Variants in KCNMB4 observed in about 807,000 individuals in gnomAD.
KCNMB4 encodes the protein calcium-activated potassium channel subunit beta-4.
A neutral mutation model predicts 20.7 loss-of-function variants in KCNMB4; 3 were observed. The ratio of observed to expected loss-of-function variants is 0.14; its 90% confidence interval spans 0.07 to 0.37. The LOEUF (loss-of-function observed/expected upper bound fraction) is 0.37, where lower values mean the gene tolerates loss of function less well. KCNMB4 is among the 10% of genes least tolerant of loss of function. The probability of loss-of-function intolerance (pLI) is 1.00; values close to 1 mark genes in which losing one functional copy is unlikely to be tolerated. For synonymous variants in KCNMB4, 110 were observed against 113.4 expected (o/e 0.97, Z 0.19); for missense variants, 168 against 265.9 (o/e 0.63, Z 2.56).
chr12:70,394,277 G>A (rs1345898838), intron 1 of KCNMB4, among the ~76,000 whole-genome samples: 8 of 152,094 alleles, frequency 5.3e-5, no homozygotes, highest in African/African-American at 1.7e-4. Context: ...TTTGAGGAGG[G>A]TGGATCTTTT....
At position 70,432,565 on chromosome 12, in the gene KCNMB4, C is replaced by T. The variant is rs901880426; in HGVS notation, c.*1912C>T. The T allele has an allele frequency of 6.6e-6, 1 of 152,150 alleles. No homozygotes were observed. Among genetic ancestry groups the T allele is most frequent in the African/African-American group, 2.4e-5 (1 of 41,440 alleles). 9.4% of individuals were successfully genotyped at this position (152,150 alleles called of 1,614,324 possible). Reference sequence around the variant, plus strand: ...ATCTGGGGTTACTGGTGTGCACCACCGTGCTTGGCTCCAATAATTTTTTTT... The same window carrying T: ...ATCTGGGGTTACTGGTGTGCACCACTGTGCTTGGCTCCAATAATTTTTTTT... On this transcript the variant is annotated 3_prime_UTR_variant, in exon 3 of 3. Transcript: ENST00000258111.
rs1195356126 is a variant in KCNMB4 at position 70,376,918 on chromosome 12, AT to A, written c.336+9849del. Among the ~76,000 whole-genome samples, 3 of 152,102 alleles carry A rather than the reference AT, an allele frequency of 2.0e-5. No individual in the cohort carries two copies. The East Asian group carries it at 5.8e-4, about 29-fold the overall frequency. ...AATGTAATTTTATAATAACATAAAA[AT>A]AAAATGTCTTGGAATAAATTTTATA... On this transcript the variant is annotated intron_variant, in intron 1 of 2. Coordinates refer to ENST00000258111, the MANE Select transcript of KCNMB4 (RefSeq NM_014505.6).
chr12:70,425,754 A>G (rs1399506559), intron 2 of KCNMB4, among the ~76,000 whole-genome samples: 2 of 152,192 alleles, frequency 1.3e-5, no homozygotes, highest in African/African-American at 2.4e-5. Context: ...ACCCAGAAAC[A>G]TAGGACACTT....
chr12:70,420,688 C>T (rs1016431623), intron 2 of KCNMB4, among the ~76,000 whole-genome samples: 3 of 152,150 alleles, frequency 2.0e-5, no homozygotes, highest in African/African-American at 7.2e-5. Flanking sequence ...TAGATACAGG[C>T]AGTAATTTGC....
intron 1 of KCNMB4, among the ~76,000 whole-genome samples, chr12:70,383,362 C>T (rs1033714424): frequency 6.6e-6 from 1 of 152,176 alleles, no homozygotes; most frequent in South Asian, 2.1e-4. Context: ...CAAGTTGGTA[C>T]ATATTAAATT....
chr12:70,378,899 C>T (rs1883735864), intron 1 of KCNMB4, among the ~76,000 whole-genome samples: 1 of 152,186 alleles, frequency 6.6e-6, no homozygotes, highest in East Asian at 1.9e-4. Context: ...CCATGGGCTG[C>T]AGTATGGATG....
At chr12:70,399,299 A>G (rs990355674) in intron 1 of KCNMB4, among the ~76,000 whole-genome samples, 3 of 152,266 alleles carry the variant, frequency 2.0e-5, no homozygotes, top group Admixed American at 6.5e-5. Context: ...ATACCTTGGT[A>G]GAACACCTAA....
At chr12:70,372,015 T>G (rs1410743458) in intron 1 of KCNMB4, among the ~76,000 whole-genome samples, 2 of 152,182 alleles carry the variant, frequency 1.3e-5, no homozygotes, top group East Asian at 3.9e-4. Context: ...TGAAGTGACA[T>G]TTACACAGAG....
At chr12:70,382,326 T>C (rs2163914) in intron 1 of KCNMB4, among the ~76,000 whole-genome samples, 2 of 149,500 alleles carry the variant, frequency 1.3e-5, no homozygotes, top group Non-Finnish European at 3.0e-5. Flanking sequence ...CCAGCTACTC[T>C]GGAGGCTGAG....
intron 1 of KCNMB4, among the ~76,000 whole-genome samples, chr12:70,388,175 C>G (rs1868272411): frequency 6.6e-6 from 1 of 152,058 alleles, no homozygotes; most frequent in South Asian, 2.1e-4. Flanking sequence ...TTTTATAGCT[C>G]AATAGTACTC....
Position 70,400,238 on chromosome 12 carries a change from A to G in KCNMB4, c.366A>G (p.Glu122=). Reference sequence around the variant, plus strand: ...CCTATATCCCTCCCTGTAAGAGAGAAAATCAGAAGAATTTGGAAAGTGTCA... The same window carrying G: ...CCTATATCCCTCCCTGTAAGAGAGAGAATCAGAAGAATTTGGAAAGTGTCA... ...KCSYIPPCKR[E]NQKNLESVMN... The change falls in exon 2 of 3, where the codon GAA becomes GAG. Residue 122 remains glutamate, a synonymous_variant. Coordinates refer to ENST00000258111, the MANE Select transcript of KCNMB4 (RefSeq NM_014505.6). 1 of 1,611,886 alleles carries G rather than the reference A, an allele frequency of 6.2e-7. No individual in the cohort carries two copies. The highest frequency in any genetic ancestry group is 8.5e-7 in the Non-Finnish European group (1 of 1,178,850).
At chr12:70,411,568 C>T (rs1001215966) in intron 2 of KCNMB4, among the ~76,000 whole-genome samples, 1 of 152,116 alleles carries the variant, frequency 6.6e-6, no homozygotes, top group African/African-American at 2.4e-5. Context: ...ATCTTCCTGC[C>T]GCCACAGAAT....
intron 2 of KCNMB4, among the ~76,000 whole-genome samples, chr12:70,406,765 C>A (rs138295678): frequency 6.6e-6 from 1 of 152,306 alleles, no homozygotes; most frequent in East Asian, 1.9e-4. Context: ...CTGCCTCCCC[C>A]TGACAGGGTT....
At chr12:70,404,621 T>A (rs1468830146) in intron 2 of KCNMB4, among the ~76,000 whole-genome samples, 2 of 152,118 alleles carry the variant, frequency 1.3e-5, no homozygotes, top group Non-Finnish European at 2.9e-5. Flanking sequence ...ACGAGAATAG[T>A]GGTGGTGAAA....
At chr12:70,409,657 A>G (rs1407965329) in intron 2 of KCNMB4, among the ~76,000 whole-genome samples, 2 of 152,212 alleles carry the variant, frequency 1.3e-5, no homozygotes, top group Non-Finnish European at 2.9e-5. Flanking sequence ...CTGCTATGAG[A>G]TATTACGGCA....
chr12:70,372,273 A>G (rs1883609780), intron 1 of KCNMB4, among the ~76,000 whole-genome samples: 1 of 152,240 alleles, frequency 6.6e-6, no homozygotes, highest in Non-Finnish European at 1.5e-5. Flanking sequence ...TCCAAGCATG[A>G]TGGGAATCTG....
intron 1 of KCNMB4, among the ~76,000 whole-genome samples, chr12:70,395,176 A>C (rs1868340598): frequency 7.5e-6 from 1 of 133,488 alleles, no homozygotes; most frequent in African/African-American, 3.3e-5. Context: ...TTTGTAACCA[A>C]ATTTATTTGG....
chr12:70,371,179 G>GT (rs978787947), intron 1 of KCNMB4, among the ~76,000 whole-genome samples: 3 of 151,622 alleles, frequency 2.0e-5, no homozygotes, highest in Non-Finnish European at 2.9e-5. Flanking sequence ...TTTATTTTGA[G>GT]TTTTTTTTTC....
At chr12:70,373,967 G>T (rs1883642578) in intron 1 of KCNMB4, among the ~76,000 whole-genome samples, 1 of 152,136 alleles carries the variant, frequency 6.6e-6, no homozygotes, top group Non-Finnish European at 1.5e-5. Flanking sequence ...ACTTTAGCTT[G>T]GGTGACAGAG....
Sources: gnomAD v4.1 joint callset for allele counts (sites outside exome capture counted in the v4.1 genomes callset) on GRCh38, gnomAD v4.1.1 for gene constraint, MANE v1.5 for transcripts, NCBI Gene and HGNC (gene_info 2026-07-23, HGNC 2026-07-21) for gene names.